STAU2: variants seen among roughly 807,000 people sequenced by gnomAD.
The protein encoded by STAU2 is staufen double-stranded RNA binding protein 2, also known as double-stranded RNA-binding protein Staufen homolog 2.
Under a neutral mutation model 65.9 loss-of-function variants are expected in STAU2, and 20 were observed. The ratio of observed to expected loss-of-function variants is 0.30; its 90% CI spans 0.21 to 0.44. The LOEUF is 0.44. Among genes scored for constraint, STAU2 ranks in the 20% least tolerant of loss-of-function variants. STAU2 has a pLI of 1.00. For synonymous variants in STAU2, 232 were observed against 233.9 expected, an observed-to-expected ratio of 0.99 and a Z score of 0.07; for missense variants, 558 against 683.9, an observed-to-expected ratio of 0.82 and a Z score of 2.05.
chr8:73,725,312 T>C (rs1805547655), intron 3 of STAU2, among the ~76,000 whole-genome samples: 2 of 152,256 alleles, frequency 1.3e-5, no homozygotes, highest in Admixed American at 6.5e-5. Context: ...TTTTGTCGTA[T>C]AGGAATTGTT....
chr8:73,536,358 G>T (rs1250157335), intron 13 of STAU2, among the ~76,000 whole-genome samples: 2 of 152,108 alleles, frequency 1.3e-5, no homozygotes, highest in Non-Finnish European at 1.5e-5. Context: ...AAAGCCCTAA[G>T]AAAGTCTGCT....
At chr8:73,552,719 G>A (rs1307662311) in intron 12 of STAU2, among the ~76,000 whole-genome samples, 1 of 152,054 alleles carries the variant, frequency 6.6e-6, no homozygotes, top group Non-Finnish European at 1.5e-5. Flanking sequence ...AGCAATTGAG[G>A]CACATCAGGT....
intron 13 of STAU2, among the ~76,000 whole-genome samples, chr8:73,445,384 C>T (rs907596810): frequency 6.6e-6 from 1 of 152,028 alleles, no homozygotes; most frequent in Non-Finnish European, 1.5e-5. Flanking sequence ...AACAAAATCA[C>T]AAAACACAAA....
At chr8:73,576,474 TAA>T (rs1809565309) in intron 12 of STAU2, among the ~76,000 whole-genome samples, 1 of 151,468 alleles carries the variant, frequency 6.6e-6, no homozygotes, top group African/African-American at 2.4e-5. Context: ...TTATGAGGAA[TAA>T]AGGGTGGGGC....
At chr8:73,566,637 C>A (rs1402137860) in intron 12 of STAU2, among the ~76,000 whole-genome samples, 1 of 152,116 alleles carries the variant, frequency 6.6e-6, no homozygotes, top group East Asian at 1.9e-4. Context: ...TGCAGAGACC[C>A]TGGAGTCAGA....
Position 73,648,650 on chromosome 8 carries a change from T to C in STAU2, c.410+24457A>G, listed in dbSNP as rs193001200. 4.3e-4 allele frequency among the ~76,000 whole-genome samples: 66 copies of C among 152,302 alleles called. No individual in the cohort carries two copies. The East Asian group carries it at 0.013, about 29-fold the overall frequency. ...TTACTGCTGTCAGCATGGTGATAAG[T>C]ATACAAAAAATACCCAACATGCAAT... On this transcript the variant is annotated intron_variant, in intron 6 of 14. Transcript: ENST00000524300.
intron 3 of STAU2, among the ~76,000 whole-genome samples, chr8:73,723,327 A>G (rs1168232216): frequency 1.3e-5 from 2 of 152,242 alleles, no homozygotes; most frequent in African/African-American, 4.8e-5. Context: ...ACATTATGAC[A>G]AAATGATGTT....
At chr8:73,614,238 T>C (rs1812669436) in intron 8 of STAU2, among the ~76,000 whole-genome samples, 1 of 152,178 alleles carries the variant, frequency 6.6e-6, no homozygotes, top group African/African-American at 2.4e-5. Flanking sequence ...CCATGTCTTA[T>C]GGAACACAAA....
intron 11 of STAU2, among the ~76,000 whole-genome samples, chr8:73,591,366 T>C (rs765107496): frequency 6.6e-6 from 1 of 152,058 alleles, no homozygotes; most frequent in Non-Finnish European, 1.5e-5. Context: ...TGTGTTTAAA[T>C]ACAACAATCT....
At chr8:73,715,067 A>G (rs1821152948) in intron 3 of STAU2, among the ~76,000 whole-genome samples, 1 of 148,602 alleles carries the variant, frequency 6.7e-6, no homozygotes, top group South Asian at 2.1e-4. Flanking sequence ...TAAGCAACAG[A>G]GCGAGACTCC....
intron 3 of STAU2, among the ~76,000 whole-genome samples, chr8:73,711,937 T>C (rs1820931690): frequency 6.6e-6 from 1 of 152,146 alleles, no homozygotes; most frequent in East Asian, 1.9e-4. Context: ...TTAAAACAAA[T>C]AGTTGTTCCT....
At chr8:73,464,595 C>CAT (rs1819547442) in intron 13 of STAU2, among the ~76,000 whole-genome samples, 1 of 130,256 alleles carries the variant, frequency 7.7e-6, no homozygotes, top group Admixed American at 7.6e-5. Context: ...TGCATGTGTG[C>CAT]ACGCGCACAC....
intron 13 of STAU2, among the ~76,000 whole-genome samples, chr8:73,428,836 T>C (rs1425644417): frequency 2.0e-5 from 3 of 152,100 alleles, no homozygotes; most frequent in Non-Finnish European, 2.9e-5. Context: ...GAAGGCCAGG[T>C]CTCAGGGAGC....
At chr8:73,467,463 A>T (rs904653649) in intron 13 of STAU2, among the ~76,000 whole-genome samples, 6 of 152,080 alleles carry the variant, frequency 3.9e-5, no homozygotes, top group African/African-American at 1.4e-4. Flanking sequence ...ACCCGGGAGG[A>T]GGAGCTTGCA....
intron 12 of STAU2, among the ~76,000 whole-genome samples, chr8:73,582,426 T>G (rs1329289925): frequency 6.7e-6 from 1 of 150,186 alleles, no homozygotes; most frequent in Non-Finnish European, 1.5e-5. Context: ...TTCTTTATTT[T>G]TATTATAAAA....
chr8:73,600,319 C>T (rs1168602676), intron 10 of STAU2, among the ~76,000 whole-genome samples: 1 of 152,136 alleles, frequency 6.6e-6, no homozygotes, highest in East Asian at 1.9e-4. Flanking sequence ...TAGTTTAAAC[C>T]TGTGAAATAT....
intron 12 of STAU2, among the ~76,000 whole-genome samples, chr8:73,571,680 A>G (rs1393399678): frequency 6.6e-6 from 1 of 152,244 alleles, no homozygotes; most frequent in Admixed American, 6.5e-5. Flanking sequence ...GCAGAAATAA[A>G]GATGTTCTTT....
chr8:73,582,297 G>A (rs963989858), intron 12 of STAU2, among the ~76,000 whole-genome samples: 1 of 151,838 alleles, frequency 6.6e-6, no homozygotes, highest in South Asian at 2.1e-4. Flanking sequence ...CTTAGGCAAT[G>A]TTAAGTGAAA....
Position 73,656,699 on chromosome 8 carries a change from A to T in STAU2, c.410+16408T>A, listed in dbSNP as rs554622003. ...TTCAAATATATTTTACCCAAATGGTAGAGCTGCAAACAGCTCATTTAATTT... is the reference window on the plus strand; with the variant it reads ...TTCAAATATATTTTACCCAAATGGTTGAGCTGCAAACAGCTCATTTAATTT... On this transcript the variant is annotated intron_variant, in intron 6 of 14. Transcript: ENST00000524300. 2.0e-5 allele frequency among the ~76,000 whole-genome samples: 3 copies of T among 152,362 alleles called. No individual in the cohort carries two copies. In the South Asian group the frequency reaches 6.2e-4, roughly 32 times the overall value.
Sources: allele counts gnomAD v4.1 joint callset (sites outside exome capture counted in the v4.1 genomes callset), GRCh38; gene constraint gnomAD v4.1.1; transcripts MANE v1.5; gene names NCBI Gene and HGNC (gene_info 2026-07-23, HGNC 2026-07-21).